SSUH2: variants seen among roughly 807,000 people sequenced by gnomAD.
SSUH2 encodes the protein ssu-2 homolog.
SSUH2 carries 47 observed loss-of-function variants against 55.3 expected under a neutral mutation model. The ratio of observed to expected loss-of-function variants is 0.85; its 90% CI spans 0.67 to 1.08. SSUH2 has a LOEUF of 1.08. Ranked by LOEUF, SSUH2 falls within the 50% of genes least tolerant of loss-of-function variation. The pLI is 0.00. For missense variants in SSUH2, 535 were observed against 490.7 expected (o/e 1.09, Z -0.85); for synonymous variants, 212 against 191.5 (o/e 1.11, Z -0.89).
At chr3:8,620,552 T>C (rs78004562) in intron 11 of SSUH2, among the ~76,000 whole-genome samples, 106 of 152,330 alleles carry the variant, frequency 7.0e-4, no homozygotes, top group Non-Finnish European at 1.2e-3. Context: ...TCTAGATGTA[T>C]CTCCTACTGT....
intron 1 of SSUH2, among the ~76,000 whole-genome samples, chr3:8,637,303 A>C (rs1242344440): frequency 2.6e-5 from 4 of 152,186 alleles, no homozygotes; most frequent in African/African-American, 9.7e-5. Context: ...AAAATCATTC[A>C]CTACGTATCT....
upstream of SSUH2, among the ~76,000 whole-genome samples, chr3:8,648,259 T>A (rs189261205): frequency 6.6e-5 from 10 of 152,290 alleles, no homozygotes; most frequent in Admixed American, 6.5e-4. Flanking sequence ...AGAACAGGAA[T>A]GAGAGCAAGT....
chr3:8,645,295 G>A (rs1412757400), upstream of SSUH2, among the ~76,000 whole-genome samples: 2 of 152,228 alleles, frequency 1.3e-5, no homozygotes, highest in African/African-American at 2.4e-5. Context: ...CCCTGGGGAA[G>A]AAACAAAGCT....
At chr3:8,637,622 C>T (rs1367586352) in intron 1 of SSUH2, among the ~76,000 whole-genome samples, 1 of 152,218 alleles carries the variant, frequency 6.6e-6, no homozygotes, top group Non-Finnish European at 1.5e-5. Context: ...CTAGTTCCAG[C>T]CCACTGGGCC....
chr3:8,636,189 GA>G (rs1182015925), intron 1 of SSUH2, among the ~76,000 whole-genome samples: 2 of 152,186 alleles, frequency 1.3e-5, no homozygotes, highest in Non-Finnish European at 2.9e-5. Flanking sequence ...TGGAAACTGG[GA>G]AGATATGTGA....
intron 3 of SSUH2, among the ~76,000 whole-genome samples, chr3:8,674,523 G>A (rs1302010353): frequency 2.0e-5 from 3 of 152,092 alleles, no homozygotes; most frequent in East Asian, 1.9e-4. Flanking sequence ...GCTAGTAACC[G>A]CCCCGGTCAC....
chr3:8,640,977 G>A (rs759766103), intron 1 of SSUH2, among the ~76,000 whole-genome samples: 1 of 152,200 alleles, frequency 6.6e-6, no homozygotes, highest in Non-Finnish European at 1.5e-5. Flanking sequence ...GCCACACAGG[G>A]ACTGGGCTTC....
At chr3:8,623,440 C>T (rs965740709) in intron 11 of SSUH2, 109 bp downstream of exon 11, 2 of 733,056 alleles carry the variant, frequency 2.7e-6, no homozygotes, top group African/African-American at 1.7e-5. Flanking sequence ...CCCCCGGGAC[C>T]TCCCTCACCT....
At chr3:8,650,312 A>G (rs1417227362) in intron 7 of SSUH2, among the ~76,000 whole-genome samples, 1 of 152,190 alleles carries the variant, frequency 6.6e-6, no homozygotes, top group African/African-American at 2.4e-5. Flanking sequence ...CATAATCTGG[A>G]TGTAGGCTAC....
At chr3:8,681,641 G>A (rs1168668109) in intron 1 of SSUH2, among the ~76,000 whole-genome samples, 3 of 148,632 alleles carry the variant, frequency 2.0e-5, no homozygotes, top group African/African-American at 5.0e-5. Flanking sequence ...GGAGGGTGAG[G>A]CACCCCCCGT....
intron 1 of SSUH2, among the ~76,000 whole-genome samples, chr3:8,638,786 A>G (rs1700352334): frequency 6.6e-6 from 1 of 152,208 alleles, no homozygotes; most frequent in African/African-American, 2.4e-5. Flanking sequence ...GACAACAGTG[A>G]AAATATCAAG....
At chr3:8,661,989 A>C (rs1703539983) in intron 6 of SSUH2, among the ~76,000 whole-genome samples, 1 of 152,186 alleles carries the variant, frequency 6.6e-6, no homozygotes. Context: ...GCTTCCATGT[A>C]AAACGTGCCT....
intron 7 of SSUH2, among the ~76,000 whole-genome samples, chr3:8,657,053 G>T (rs1703008511): frequency 6.6e-6 from 1 of 152,212 alleles, no homozygotes; most frequent in Admixed American, 6.5e-5. Context: ...GCCAATTTTT[G>T]TATTTTTAGT....
At chr3:8,620,148 G>T in intron 11 of SSUH2, 134 bp from the exon 12 acceptor site, 2 of 943,264 alleles carry the variant, frequency 2.1e-6, no homozygotes, top group Non-Finnish European at 3.1e-6. Flanking sequence ...ATATGGTTTG[G>T]CTCTGTGTTC....
At position 8,678,751 on chromosome 3, in the gene SSUH2, C is replaced by T. The variant is rs1462994774; in HGVS notation, c.-901+954G>A. Among the ~76,000 whole-genome samples, 6 of 86,364 alleles carry T rather than the reference C, an allele frequency of 6.9e-5. 2 individuals are homozygous for T. The highest frequency in any genetic ancestry group is 1.0e-4 in the Non-Finnish European group (4 of 38,716). The allele number at this position is 86,364 out of a possible 152,430, so 56.7% of individuals were successfully genotyped here. On this transcript the variant is annotated intron_variant, in intron 2 of 18. Coordinates refer to the SSUH2 transcript ENST00000317371. ...GGGGGGGGAGGCACCACACGCGAGGCGGGGAAAGAGAGCCAGCCCCTCTTC... is the reference window on the plus strand; with the variant it reads ...GGGGGGGGAGGCACCACACGCGAGGTGGGGAAAGAGAGCCAGCCCCTCTTC...
At chr3:8,628,066 G>A (rs1001738224) in intron 7 of SSUH2, among the ~76,000 whole-genome samples, 2 of 152,192 alleles carry the variant, frequency 1.3e-5, no homozygotes, top group African/African-American at 4.8e-5. Context: ...CCTACCAAGT[G>A]TTGAGAGGAA....
chr3:8,623,621 G>C lies in SSUH2; in HGVS notation c.909C>G (p.Ile303Met). 6.5e-7 allele frequency: 1 copy of C among 1,543,774 alleles called. No individual in the cohort carries two copies. The highest frequency in any genetic ancestry group is 1.4e-5 in the African/African-American group (1 of 73,030). ...YPIVDFPLRD[I>M]SLASQRGIAE... ...CAATGCCCCTCTGGGAGGCAAGAGA[G>C]ATGTCTCGCAGAGGGAAGTCCACGA... Residue 303 changes from isoleucine (I) to methionine (M), a missense_variant, in exon 11 of 12, where the codon ATC becomes ATG. Physicochemically the swap from Ile to Met is conservative, Grantham distance 10. Coordinates refer to ENST00000544814, the MANE Select transcript of SSUH2 (RefSeq NM_001256748.3).
intron 2 of SSUH2, chr3:8,677,431 T>C (rs552653320): frequency 4.0e-5 from 6 of 150,936 alleles, no homozygotes; most frequent in South Asian, 2.1e-4. Context: ...CTTTGCAGTA[T>C]TAGCCAAGCC....
chr3:8,633,124 A>G (rs933473641), intron 4 of SSUH2, among the ~76,000 whole-genome samples: 12 of 149,054 alleles, frequency 8.1e-5, no homozygotes, highest in African/African-American at 2.5e-4. Context: ...CAAGCCTGTC[A>G]GTGGTGTTTG....
Sources: allele counts gnomAD v4.1 joint callset (sites outside exome capture counted in the v4.1 genomes callset), GRCh38; gene constraint gnomAD v4.1.1; transcripts MANE v1.5; gene names NCBI Gene and HGNC (gene_info 2026-07-23, HGNC 2026-07-21).